SYN3: variants seen among roughly 807,000 people sequenced by gnomAD.
SYN3 encodes synapsin III, also known as synapsin-3.
In SYN3, 35 loss-of-function variants were observed where a neutral mutation model predicts 65.8. That is an observed-to-expected ratio of 0.53 (90% CI 0.41 to 0.70). The LOEUF (loss-of-function observed/expected upper bound fraction) is 0.70, where lower values mean the gene tolerates loss of function less well. SYN3 is among the 30% of genes least tolerant of loss of function. SYN3 has a pLI of 0.00. For synonymous variants in SYN3, 270 were observed against 292.9 expected (o/e 0.92, Z 0.80); for missense variants, 680 against 749.0 (o/e 0.91, Z 1.08).
At chr22:32,707,198 C>T (rs760481762) in intron 6 of SYN3, among the ~76,000 whole-genome samples, 1 of 152,186 alleles carries the variant, frequency 6.6e-6, no homozygotes, top group Non-Finnish European at 1.5e-5. Context: ...GACTCTCAGT[C>T]CCAGACTATC....
At chr22:32,624,457 T>G (rs1308864989) in intron 6 of SYN3, among the ~76,000 whole-genome samples, 2 of 152,216 alleles carry the variant, frequency 1.3e-5, no homozygotes, top group Non-Finnish European at 2.9e-5. Flanking sequence ...TTCATCTCAT[T>G]GGTAGTCATT....
At position 32,928,220 on chromosome 22, in the gene SYN3, C is replaced by T. The variant is rs189905119; in HGVS notation, c.461+3170G>A. On this transcript the variant is annotated intron_variant, in intron 4 of 13. Transcript: ENST00000358763. ...TGGTGGGCGCCTGTAGTCCCAGCTA[C>T]TTGGGAGGCTGGGGCAGGTGAAGGG... Among the ~76,000 whole-genome samples the T allele has an allele frequency of 1.3e-3, 193 of 152,230 alleles. 1 individual carries two copies. Among genetic ancestry groups the T allele is most frequent in the African/African-American group, 4.4e-3 (182 of 41,532 alleles).
At chr22:32,640,194 C>T (rs1297142773) in intron 6 of SYN3, among the ~76,000 whole-genome samples, 1 of 152,154 alleles carries the variant, frequency 6.6e-6, no homozygotes, top group Non-Finnish European at 1.5e-5. Context: ...TGGTACCCCA[C>T]AAATCACGCT....
chr22:33,002,869 T>C (rs1424070392), intron 2 of SYN3, among the ~76,000 whole-genome samples: 2 of 152,184 alleles, frequency 1.3e-5, no homozygotes, highest in East Asian at 3.9e-4. Context: ...CCAAATCTTA[T>C]CTTAAACTGT....
intron 6 of SYN3, among the ~76,000 whole-genome samples, chr22:32,637,574 T>G (rs775179479): frequency 4.6e-5 from 7 of 152,060 alleles, no homozygotes; most frequent in Middle Eastern, 3.4e-3. Context: ...TGAATGATCC[T>G]GTCACTCAGG....
chr22:32,888,100 C>T (rs2049344304), intron 4 of SYN3, among the ~76,000 whole-genome samples: 1 of 152,038 alleles, frequency 6.6e-6, no homozygotes, highest in African/African-American at 2.4e-5. Flanking sequence ...ATTTCACATG[C>T]TTGTTGGCTA....
At chr22:32,895,035 C>T (rs1403598875) in intron 4 of SYN3, among the ~76,000 whole-genome samples, 2 of 152,210 alleles carry the variant, frequency 1.3e-5, no homozygotes, top group Admixed American at 6.5e-5. Flanking sequence ...CCGTAGTTTA[C>T]ATCTCAGCTG....
At chr22:32,743,901 C>A (rs1050953583) in intron 6 of SYN3, among the ~76,000 whole-genome samples, 1 of 152,114 alleles carries the variant, frequency 6.6e-6, no homozygotes, top group African/African-American at 2.4e-5. Flanking sequence ...CATGGAAAAC[C>A]CAGCTCTGGA....
At chr22:32,779,226 G>A (rs1455351482) in intron 6 of SYN3, among the ~76,000 whole-genome samples, 2 of 152,158 alleles carry the variant, frequency 1.3e-5, no homozygotes, top group East Asian at 1.9e-4. Context: ...TTGGGAGGCC[G>A]AGGTGGGTGG....
intron 7 of SYN3, among the ~76,000 whole-genome samples, chr22:32,586,141 T>C (rs1312216246): frequency 1.3e-5 from 2 of 151,094 alleles, no homozygotes; most frequent in African/African-American, 4.9e-5. Flanking sequence ...TGTATATACA[T>C]ATACACATAT....
chr22:32,813,364 C>G (rs546645069), intron 6 of SYN3, among the ~76,000 whole-genome samples: 104 of 152,254 alleles, frequency 6.8e-4, no homozygotes, highest in Admixed American at 1.6e-3. Flanking sequence ...CAGGTCCCTT[C>G]TGGAGGGGAC....
intron 13 of SYN3, 108 bp downstream of exon 13, chr22:32,517,935 G>T: frequency 8.0e-7 from 1 of 1,244,934 alleles, no homozygotes; most frequent in Non-Finnish European, 1.1e-6. Context: ...GTCTAGGCAA[G>T]GCCTCGTTGG....
intron 7 of SYN3, among the ~76,000 whole-genome samples, chr22:32,595,842 C>T (rs1256346258): frequency 6.6e-6 from 1 of 152,158 alleles, no homozygotes; most frequent in African/African-American, 2.4e-5. Flanking sequence ...TGTGGGAGGC[C>T]ATGACGGGTG....
At chr22:33,032,660 T>G (rs924238181) in intron 1 of SYN3, among the ~76,000 whole-genome samples, 7 of 152,124 alleles carry the variant, frequency 4.6e-5, no homozygotes, top group Non-Finnish European at 7.4e-5. Context: ...TTTTTTTTAA[T>G]TCATCCCATA....
chr22:33,028,643 A>G (rs968752056), intron 1 of SYN3, among the ~76,000 whole-genome samples: 21 of 93,138 alleles, frequency 2.3e-4, no homozygotes, highest in East Asian at 2.0e-3. Context: ...AAGAACCATG[A>G]TGGTGGTGGT....
chr22:32,709,039 G>C (rs1334967459), intron 6 of SYN3, among the ~76,000 whole-genome samples: 1 of 152,228 alleles, frequency 6.6e-6, no homozygotes, highest in Non-Finnish European at 1.5e-5. Context: ...AGCAAGCAGA[G>C]GCTAAGAGCA....
chr22:32,536,340 A>C (rs577633765), intron 9 of SYN3, among the ~76,000 whole-genome samples: 1 of 152,340 alleles, frequency 6.6e-6, no homozygotes, highest in East Asian at 1.9e-4. Context: ...GTTGATGGGA[A>C]GGACAGGTGT....
chr22:32,905,532 C>T (rs2049878062), intron 4 of SYN3, among the ~76,000 whole-genome samples: 1 of 152,270 alleles, frequency 6.6e-6, no homozygotes. Context: ...TGCTGTGCGC[C>T]AGACACTGGC....
At chr22:32,809,213 C>T (rs564954874) in intron 6 of SYN3, among the ~76,000 whole-genome samples, 1 of 152,330 alleles carries the variant, frequency 6.6e-6, no homozygotes, top group South Asian at 2.1e-4. Context: ...CCACTTGCAA[C>T]CTATACTTGC....
Sources: gnomAD v4.1 joint callset for allele counts (sites outside exome capture counted in the v4.1 genomes callset) on GRCh38, gnomAD v4.1.1 for gene constraint, MANE v1.5 for transcripts, NCBI Gene and HGNC (gene_info 2026-07-23, HGNC 2026-07-21) for gene names.